PKIB: variants seen among roughly 807,000 people sequenced by gnomAD.
The protein encoded by PKIB is cAMP-dependent protein kinase inhibitor beta.
PKIB carries 2 observed loss-of-function variants against 4.5 expected under a neutral mutation model. The ratio of observed to expected loss-of-function variants is 0.44; its 90% confidence interval spans 0.18 to 1.39. The LOEUF (loss-of-function observed/expected upper bound fraction) is 1.39. Among genes scored for constraint, PKIB ranks in the 40% most tolerant of loss-of-function variants. PKIB has a pLI of 0.27. For synonymous variants in PKIB, 38 were observed against 36.0 expected, an observed-to-expected ratio of 1.06 and a Z score of -0.20; for missense variants, 94 against 92.6, an observed-to-expected ratio of 1.02 and a Z score of -0.06.
intron 3 of PKIB, among the ~76,000 whole-genome samples, chr6:122,689,626 A>T (rs1778241997): frequency 6.6e-6 from 1 of 152,154 alleles, no homozygotes; most frequent in African/African-American, 2.4e-5. Context: ...GATGCTTGAT[A>T]TTATTTCAAT....
intron 3 of PKIB, 70 bp downstream of exon 3, chr6:122,675,214 A>G (rs1347629351): frequency 1.3e-5 from 2 of 152,670 alleles, no homozygotes; most frequent in Admixed American, 6.5e-5. Flanking sequence ...TTCCTACCAT[A>G]AAACACTTGA....
chr6:122,528,972 G>A (rs1171343881), intron 2 of PKIB, among the ~76,000 whole-genome samples: 2 of 152,258 alleles, frequency 1.3e-5, no homozygotes, highest in South Asian at 2.1e-4. Flanking sequence ...GCTAACTACT[G>A]TCACATTTGG....
intron 2 of PKIB, among the ~76,000 whole-genome samples, chr6:122,647,750 A>G (rs1013344068): frequency 1.3e-5 from 2 of 152,222 alleles, no homozygotes; most frequent in African/African-American, 4.8e-5. Context: ...GGGATGCTTA[A>G]AATTTACAGA....
upstream of PKIB, chr6:122,471,925 A>T (rs1385845988): frequency 7.5e-7 from 1 of 1,340,150 alleles, no homozygotes; most frequent in Non-Finnish European, 9.8e-7. Context: ...GAGACTGCGC[A>T]TGCGCGTCAC....
At chr6:122,542,276 C>T (rs1467253495) in intron 2 of PKIB, among the ~76,000 whole-genome samples, 5 of 152,168 alleles carry the variant, frequency 3.3e-5, no homozygotes, top group African/African-American at 1.2e-4. Flanking sequence ...TTAGAGTTTC[C>T]AGTTTTTCTG....
intron 2 of PKIB, among the ~76,000 whole-genome samples, chr6:122,492,678 C>A (rs1775970016): frequency 6.6e-6 from 1 of 150,996 alleles, no homozygotes; most frequent in South Asian, 2.1e-4. Flanking sequence ...AGCATTTGTT[C>A]TTTTTATATT....
chr6:122,539,352 T>C (rs1335240326), intron 2 of PKIB, among the ~76,000 whole-genome samples: 1 of 152,080 alleles, frequency 6.6e-6, no homozygotes, highest in Non-Finnish European at 1.5e-5. Flanking sequence ...TTGAGATACG[T>C]CCCATCAATA....
intron 1 of PKIB, among the ~76,000 whole-genome samples, chr6:122,616,290 A>G (rs559370734): frequency 9.8e-5 from 15 of 152,310 alleles, no homozygotes; most frequent in African/African-American, 3.1e-4. Flanking sequence ...AAGAGGACAT[A>G]ATAGGAGAAG....
chr6:122,615,817 C>T (rs970752096), intron 1 of PKIB, among the ~76,000 whole-genome samples: 2 of 152,144 alleles, frequency 1.3e-5, no homozygotes. Context: ...CTGGCAACCA[C>T]TAGAAGCTAA....
At chr6:122,724,711 G>C (rs1021236059) in intron 4 of PKIB, among the ~76,000 whole-genome samples, 4 of 152,156 alleles carry the variant, frequency 2.6e-5, no homozygotes, top group Admixed American at 2.0e-4. Flanking sequence ...AGAGCAAAGG[G>C]AGTAGAAAGT....
intron 4 of PKIB, 142 bp from the exon 5 acceptor site, chr6:122,724,986 C>T (rs1038740644): frequency 3.0e-5 from 19 of 630,880 alleles, no homozygotes; most frequent in South Asian, 1.5e-4. Flanking sequence ...CTACTCATAT[C>T]GCTCTTCTTT....
chr6:122,703,937 TATATAGAGAG>T (rs1401392287), intron 3 of PKIB, among the ~76,000 whole-genome samples: 24 of 130,420 alleles, frequency 1.8e-4, no homozygotes, highest in Admixed American at 3.1e-4. Context: ...TATATATATA[TATATAGAGAG>T]AGAGAGAGAG....
intron 2 of PKIB, among the ~76,000 whole-genome samples, chr6:122,528,003 T>A (rs1477582183): frequency 6.6e-6 from 1 of 152,190 alleles, no homozygotes; most frequent in Non-Finnish European, 1.5e-5. Flanking sequence ...CTGTTATTTC[T>A]CACTCCAATT....
At chr6:122,721,868 C>T (rs1352820117) in intron 4 of PKIB, among the ~76,000 whole-genome samples, 1 of 151,546 alleles carries the variant, frequency 6.6e-6, no homozygotes, top group Non-Finnish European at 1.5e-5. Flanking sequence ...AAGAACCAAG[C>T]CAGATAATCT....
chr6:122,584,818 A>G (rs1773804798), intron 2 of PKIB, among the ~76,000 whole-genome samples: 1 of 152,038 alleles, frequency 6.6e-6, no homozygotes, highest in Non-Finnish European at 1.5e-5. Context: ...AGGACGTGGG[A>G]TGCAACTGTG....
intron 2 of PKIB, among the ~76,000 whole-genome samples, chr6:122,528,894 A>G (rs1193532653): frequency 2.0e-5 from 3 of 152,034 alleles, no homozygotes; most frequent in Non-Finnish European, 4.4e-5. Context: ...GAGAAAAGAG[A>G]AAAAATGGAA....
chr6:122,536,561 T>TA (rs904461776), intron 2 of PKIB, among the ~76,000 whole-genome samples: 1 of 152,188 alleles, frequency 6.6e-6, no homozygotes, highest in African/African-American at 2.4e-5. Context: ...GTGATAAACA[T>TA]AAAAATTCCT....
chr6:122,553,409 G>A (rs2114658943), intron 2 of PKIB, among the ~76,000 whole-genome samples: 1 of 145,996 alleles, frequency 6.8e-6, no homozygotes, highest in South Asian at 2.2e-4. Flanking sequence ...AATGCATGCA[G>A]TTTCCTCACT....
chr6:122,710,099 T>C (rs180713522), intron 3 of PKIB, among the ~76,000 whole-genome samples: 39 of 152,304 alleles, frequency 2.6e-4, no homozygotes, highest in Non-Finnish European at 2.8e-4. Flanking sequence ...TATCAGCTAT[T>C]AATTCAACAT....
Sources: allele counts gnomAD v4.1 joint callset (sites outside exome capture counted in the v4.1 genomes callset), GRCh38; gene constraint gnomAD v4.1.1; transcripts MANE v1.5; gene names NCBI Gene and HGNC (gene_info 2026-07-23, HGNC 2026-07-21).